Variants in CORO7 observed in about 807,000 individuals in gnomAD.
CORO7 encodes coronin 7.
In CORO7, 107 loss-of-function variants were observed where a neutral mutation model predicts 126.6. The observed-to-expected ratio is 0.85, with a 90% CI of 0.72 to 0.99. The LOEUF is 0.99. CORO7 is among the 50% of genes least tolerant of loss of function. CORO7 has a pLI of 0.00. For synonymous variants in CORO7, 603 were observed against 536.8 expected, an observed-to-expected ratio of 1.12 and a Z score of -1.70; for missense variants, 1,314 against 1,255.8, an observed-to-expected ratio of 1.05 and a Z score of -0.70.
chr16:4,365,415 C>T, intron 10 of CORO7, 76 bp downstream of exon 10: 3 of 1,541,588 alleles, frequency 1.9e-6, no homozygotes, highest in Non-Finnish European at 2.6e-6. Flanking sequence ...GTTCGAGTTC[C>T]TCCTCTCTCT....
At chr16:4,361,599 A>T in intron 16 of CORO7, 130 bp from the exon 17 acceptor site, 2 of 1,125,834 alleles carry the variant, frequency 1.8e-6, no homozygotes, top group Admixed American at 2.2e-5. Context: ...TGGGTGACCC[A>T]AGCTCTCTGC....
intron 26 of CORO7, among the ~76,000 whole-genome samples, chr16:4,355,829 G>A (rs2053962143): frequency 6.6e-6 from 1 of 152,140 alleles, no homozygotes; most frequent in Admixed American, 6.5e-5. Context: ...CAAGGCTGGA[G>A]TGCAGTGGTG....
At chr16:4,403,163 G>A (rs1328186859) in intron 6 of CORO7, among the ~76,000 whole-genome samples, 1 of 152,134 alleles carries the variant, frequency 6.6e-6, no homozygotes, top group Non-Finnish European at 1.5e-5. Context: ...CTCGCTCCTG[G>A]TGTGGGGTGG....
intron 6 of CORO7, among the ~76,000 whole-genome samples, chr16:4,403,215 G>A (rs1007939539): frequency 6.6e-6 from 1 of 152,152 alleles, no homozygotes; most frequent in Admixed American, 6.5e-5. Flanking sequence ...ACAAGCCCTC[G>A]CTCTCTGCAC....
chr16:4,387,059 C>T (rs1399833019), intron 9 of CORO7, among the ~76,000 whole-genome samples: 1 of 152,174 alleles, frequency 6.6e-6, no homozygotes, highest in Non-Finnish European at 1.5e-5. Flanking sequence ...CTGACATTCT[C>T]GGATCCCCCT....
chr16:4,357,801 C>T lies in CORO7; in HGVS notation c.2593+167G>A, dbSNP rs1567241300. On this transcript the variant is annotated intron_variant, in intron 25 of 27. Transcript: ENST00000251166. ...GGACCTGTGATGAAAACACAGACCA[C>T]GAGCCCTGCCCTCCACTGGCTCAGA... 4.8e-6 allele frequency: 6 copies of T among 1,260,644 alleles called. No homozygotes were observed. In the South Asian group the frequency reaches 4.8e-5, roughly 10 times the overall value. The allele number at this position is 1,260,644 out of a possible 1,614,324, so 78.1% of individuals were successfully genotyped here.
chr16:4,382,450 C>T (rs2055020405), intron 9 of CORO7: 1 of 1,609,440 alleles, frequency 6.2e-7, no homozygotes, highest in Non-Finnish European at 8.5e-7. Flanking sequence ...GGTCACCCAG[C>T]TGCGGCCCAA....
chr16:4,361,681 AAC>A, intron 16 of CORO7: 1 of 791,042 alleles, frequency 1.3e-6, no homozygotes, highest in Middle Eastern at 3.3e-4. Flanking sequence ...CAGCAGCGTG[AAC>A]TGGCGGGAAA....
intron 3 of CORO7, among the ~76,000 whole-genome samples, chr16:4,408,546 C>A (rs755252946): frequency 6.6e-6 from 1 of 152,216 alleles, no homozygotes; most frequent in Non-Finnish European, 1.5e-5. Flanking sequence ...CTGCCCAGCC[C>A]GACCCCTCCT....
chr16:4,402,792 G>GAT (rs1666758593), intron 6 of CORO7, among the ~76,000 whole-genome samples: 1 of 152,236 alleles, frequency 6.6e-6, no homozygotes, highest in Admixed American at 6.5e-5. Flanking sequence ...AACCATGCCG[G>GAT]GAGTCAGGAG....
At chr16:4,393,462 G>C (rs2055469137) in intron 7 of CORO7, among the ~76,000 whole-genome samples, 1 of 152,230 alleles carries the variant, frequency 6.6e-6, no homozygotes, top group Non-Finnish European at 1.5e-5. Context: ...TGCCTGGCTA[G>C]TTTCACTGCT....
At chr16:4,395,599 T>G (rs2055555405) in intron 6 of CORO7, among the ~76,000 whole-genome samples, 1 of 152,226 alleles carries the variant, frequency 6.6e-6, no homozygotes, top group Non-Finnish European at 1.5e-5. Context: ...TTCAGCTTCC[T>G]GAGACCTGCT....
chr16:4,358,906 A>G (rs941340401), intron 23 of CORO7: 1 of 273,544 alleles, frequency 3.7e-6, no homozygotes, highest in Non-Finnish European at 6.9e-6. Context: ...TTAGGTTCAT[A>G]TTGTAGGTTC....
intron 7 of CORO7, among the ~76,000 whole-genome samples, chr16:4,393,374 C>A (rs1160074691): frequency 6.6e-6 from 1 of 152,200 alleles, no homozygotes; most frequent in African/African-American, 2.4e-5. Flanking sequence ...CCACCATCTA[C>A]CAGGCCCAGG....
intron 25 of CORO7, 22 bp downstream of exon 25, chr16:4,357,946 C>G (rs761530558): frequency 6.3e-7 from 1 of 1,585,728 alleles, no homozygotes; most frequent in South Asian, 1.1e-5. Flanking sequence ...GCTTCCTCCC[C>G]ACACCCAGTC....
At chr16:4,411,659 G>C (rs2056214478) in intron 3 of CORO7, among the ~76,000 whole-genome samples, 1 of 151,896 alleles carries the variant, frequency 6.6e-6, no homozygotes, top group Non-Finnish European at 1.5e-5. Flanking sequence ...TATCATATCA[G>C]AACCCCTCCA....
At chr16:4,415,395 G>T (rs1347999104) in intron 1 of CORO7, among the ~76,000 whole-genome samples, 1 of 152,038 alleles carries the variant, frequency 6.6e-6, no homozygotes, top group Non-Finnish European at 1.5e-5. Context: ...ACGCTACTGA[G>T]ACTGGCCCCC....
chr16:4,386,661 ACT>A (rs2055203535), intron 9 of CORO7, among the ~76,000 whole-genome samples: 2 of 152,072 alleles, frequency 1.3e-5, no homozygotes, highest in Admixed American at 6.5e-5. Context: ...GGCAGCCCTG[ACT>A]CTGCCTCTTA....
At chr16:4,359,005 G>C (rs1205146466) in intron 23 of CORO7, 1 of 485,736 alleles carries the variant, frequency 2.1e-6, no homozygotes, top group Non-Finnish European at 3.6e-6. Flanking sequence ...TTGAACTCCT[G>C]GGCTCAAGCA....
Sources: allele counts gnomAD v4.1 joint callset (sites outside exome capture counted in the v4.1 genomes callset), GRCh38; gene constraint gnomAD v4.1.1; transcripts MANE v1.5; gene names NCBI Gene and HGNC (gene_info 2026-07-23, HGNC 2026-07-21).